BCOR: variants seen among roughly 807,000 people sequenced by gnomAD.
BCOR encodes BCL-6 corepressor.
A neutral mutation model predicts 86.7 loss-of-function variants in BCOR; 10 were observed. The observed-to-expected ratio is 0.12, with a 90% CI of 0.07 to 0.20. BCOR has a LOEUF of 0.20. Ranked by LOEUF, BCOR falls within the 10% of genes least tolerant of loss-of-function variation. The pLI is 1.00. For synonymous variants in BCOR, 611 were observed against 609.0 expected (o/e 1.00, Z -0.05); for missense variants, 1,259 against 1,452.1 (o/e 0.87, Z 2.16).
At chrX:40,070,282 G>C (rs982143010) in intron 6 of BCOR, among the ~76,000 whole-genome samples, 1 of 112,184 alleles carries the variant, frequency 8.9e-6, no homozygotes, top group Non-Finnish European at 1.9e-5. Context: ...AAGAAATAAA[G>C]AGGAAGACCT....
intron 6 of BCOR, among the ~76,000 whole-genome samples, chrX:40,066,431 G>A (rs924097808): frequency 9.0e-6 from 1 of 111,528 alleles, no homozygotes; most frequent in African/African-American, 3.3e-5. Context: ...GCCCCCTTGA[G>A]TTGTAAAGTG....
chrX:40,175,946 T>G (rs112777173), intron 1 of BCOR, among the ~76,000 whole-genome samples: 4 of 112,602 alleles, frequency 3.6e-5, no homozygotes. Context: ...CTTTTCCAGG[T>G]TTCGGACCTG....
intron 1 of BCOR, among the ~76,000 whole-genome samples, chrX:40,167,384 C>T (rs1602281646): frequency 8.9e-6 from 1 of 112,363 alleles, no homozygotes; most frequent in East Asian, 2.8e-4. Flanking sequence ...TCCCAAGCCA[C>T]TCTGTGCCCG....
At chrX:40,164,179 C>T (rs1412890343) in intron 1 of BCOR, among the ~76,000 whole-genome samples, 1 of 112,653 alleles carries the variant, frequency 8.9e-6, no homozygotes, top group Non-Finnish European at 1.9e-5. Flanking sequence ...GCCCTGTGCT[C>T]ATGCTATGGG....
intron 6 of BCOR, among the ~76,000 whole-genome samples, chrX:40,069,047 G>A (rs1935340886): frequency 8.9e-6 from 1 of 112,431 alleles, no homozygotes; most frequent in Admixed American, 9.3e-5. Context: ...GCTTGGCTCT[G>A]GGCCACAGTG....
chrX:40,091,992 G>T (rs1458820225), intron 1 of BCOR, among the ~76,000 whole-genome samples: 1 of 112,898 alleles, frequency 8.9e-6, no homozygotes, highest in African/African-American at 3.2e-5. Flanking sequence ...CCCACCCATC[G>T]GCGGCCCCCG....
In BCOR at chrX:40,074,688, C is replaced by T. The variant is rs1935698975; in HGVS notation, c.658G>A (p.Ala220Thr). 2 of 1,211,459 alleles carry T rather than the reference C, an allele frequency of 1.7e-6. No homozygotes were observed. The highest frequency in any genetic ancestry group is 2.2e-6 in the Non-Finnish European group (2 of 895,416). ...CTGTAGGACTGCTGAGGTAGCAAGG[C>T]CTTGTACATGTTCAGTGAATACTTA... ...PNKYSLNMYKALLPQQSYSLA... is the reference protein window; with the variant it reads ...PNKYSLNMYKTLLPQQSYSLA... The change falls in exon 4 of 15, where the codon GCC becomes ACC. Residue 220 changes from alanine (A) to threonine (T), a missense_variant. This residue lies in a region of BCOR where 174 missense variants were observed against 189.3 expected (regional missense o/e 0.92). Transcript: ENST00000378444.
At chrX:40,173,134 C>T (rs956822283) in intron 1 of BCOR, among the ~76,000 whole-genome samples, 5 of 111,848 alleles carry the variant, frequency 4.5e-5, no homozygotes, top group South Asian at 3.7e-4. Flanking sequence ...GAAACAACCC[C>T]CAAACAGATC....
chrX:40,137,967 T>G (rs1185335645), intron 1 of BCOR, among the ~76,000 whole-genome samples: 1 of 111,681 alleles, frequency 9.0e-6, no homozygotes, highest in African/African-American at 3.3e-5. Flanking sequence ...TTTTTTTTTT[T>G]TTAAGACAGA....
At chrX:40,105,070 A>G (rs181107182) in intron 1 of BCOR, among the ~76,000 whole-genome samples, 19,967 of 109,379 alleles carry the variant, frequency 0.18, 3,581 homozygotes, top group African/African-American at 0.55. Context: ...CCGGGGCGCC[A>G]AGCTGCGCTT....
intron 1 of BCOR, among the ~76,000 whole-genome samples, chrX:40,161,100 C>T (rs1602276886): frequency 9.2e-6 from 1 of 108,280 alleles, no homozygotes; most frequent in South Asian, 4.0e-4. Flanking sequence ...CTCTGGCTCT[C>T]GGGCTGGAGC....
At chrX:40,164,675 G>A (rs1377773912) in intron 1 of BCOR, among the ~76,000 whole-genome samples, 1 of 111,851 alleles carries the variant, frequency 8.9e-6, no homozygotes, top group Non-Finnish European at 1.9e-5. Flanking sequence ...CACCAGGCTG[G>A]TTTTGCTCTC....
intron 11 of BCOR, among the ~76,000 whole-genome samples, chrX:40,056,009 G>A (rs1023500778): frequency 4.6e-5 from 5 of 108,765 alleles, no homozygotes; most frequent in South Asian, 4.0e-4. Context: ...TTGTAGGGAC[G>A]GGGTCTTACT....
intron 1 of BCOR, among the ~76,000 whole-genome samples, chrX:40,149,608 C>T (rs1170778240): frequency 9.0e-6 from 1 of 111,304 alleles, no homozygotes; most frequent in Non-Finnish European, 1.9e-5. Context: ...TGGGGAGGTA[C>T]GGTTTGTTTC....
At position 40,057,274 on chromosome X, in the gene BCOR, A is replaced by G; in HGVS notation, c.4476T>C (p.His1492=). 1 of 1,211,957 alleles carries G rather than the reference A, an allele frequency of 8.3e-7. No individual in the cohort carries two copies. The part of the protein sequence containing the change: ...CLENKICDVN[H]RDNAGYCALH... Reference sequence around the variant, plus strand: ...GGGCGCAGTAACCTGCGTTGTCCCGATGATTTACATCACAAATCTTGTTCT... The same window carrying G: ...GGGCGCAGTAACCTGCGTTGTCCCGGTGATTTACATCACAAATCTTGTTCT... The change falls in exon 11 of 15, where the codon CAT becomes CAC. Residue 1492 remains histidine, a synonymous_variant. Transcript: ENST00000378444.
intron 1 of BCOR, among the ~76,000 whole-genome samples, chrX:40,174,004 A>T (rs1456044219): frequency 8.9e-6 from 1 of 112,953 alleles, no homozygotes; most frequent in Non-Finnish European, 1.9e-5. Flanking sequence ...TTACCTTTGA[A>T]ATGGCGACTC....
intron 1 of BCOR, among the ~76,000 whole-genome samples, chrX:40,124,336 G>A (rs1158899099): frequency 5.5e-5 from 6 of 109,433 alleles, no homozygotes; most frequent in African/African-American, 1.7e-4. Flanking sequence ...GCAGTGGCAC[G>A]ATCTTGGCTC....
intron 12 of BCOR, 127 bp from the exon 13 acceptor site, chrX:40,054,460 T>A (rs934787916): frequency 1.9e-6 from 1 of 531,325 alleles, no homozygotes; most frequent in Non-Finnish European, 3.3e-6. Flanking sequence ...TGTCTTCCTC[T>A]TTCTCAGCAA....
intron 1 of BCOR, among the ~76,000 whole-genome samples, chrX:40,155,554 G>C (rs997280554): frequency 1.8e-5 from 2 of 110,594 alleles, no homozygotes; most frequent in African/African-American, 6.6e-5. Context: ...GCCCACACCC[G>C]GACCCAGACG....
Sources: allele counts gnomAD v4.1 joint callset (sites outside exome capture counted in the v4.1 genomes callset), GRCh38; gene constraint gnomAD v4.1.1; regional missense constraint gnomAD v4.1.1; transcripts MANE v1.5; gene names NCBI Gene and HGNC (gene_info 2026-07-23, HGNC 2026-07-21).